TECPR2: variants seen among roughly 807,000 people sequenced by gnomAD.
TECPR2 encodes tectonin beta-propeller repeat-containing protein 2.
Under a neutral mutation model 138.1 loss-of-function variants are expected in TECPR2, and 65 were observed. That is an observed-to-expected ratio of 0.47 (90% CI 0.39 to 0.58). TECPR2 has a LOEUF of 0.58. Among genes scored for constraint, TECPR2 ranks in the 20% least tolerant of loss-of-function variants. The pLI is 0.00. For synonymous variants in TECPR2, 746 were observed against 749.8 expected, an observed-to-expected ratio of 0.99 and a Z score of 0.08; for missense variants, 1,553 against 1,824.5, an observed-to-expected ratio of 0.85 and a Z score of 2.71.
At position 102,499,734 on chromosome 14, in the gene TECPR2, G is replaced by A. The variant is rs376919716; in HGVS notation, c.*1477G>A. ...GAGGCAGCTTCAGGACAGGACACCA[G>A]GCTGGCTGCTTTTTTTAGCCTGCCC... On this transcript the variant is annotated 3_prime_UTR_variant, in exon 20 of 20. Coordinates refer to ENST00000359520, the MANE Select transcript of TECPR2 (RefSeq NM_014844.5). 6.2e-6 allele frequency: 1 copy of A among 161,544 alleles called. No individual in the cohort carries two copies. Among genetic ancestry groups the A allele is most frequent in the Non-Finnish European group, 1.4e-5 (1 of 73,390 alleles). 10.0% of individuals were successfully genotyped at this position (161,544 alleles called of 1,614,324 possible). A position where few individuals can be genotyped will look rare whatever the true frequency, so the allele number is the denominator to read the frequency against.
intron 13 of TECPR2, among the ~76,000 whole-genome samples, chr14:102,448,614 C>G (rs1005160630): frequency 6.6e-6 from 1 of 152,106 alleles, no homozygotes; most frequent in African/African-American, 2.4e-5. Flanking sequence ...ACCTGTAATC[C>G]CAGCACTTTG....
intron 12 of TECPR2, among the ~76,000 whole-genome samples, chr14:102,444,245 G>A (rs941096489): frequency 1.3e-5 from 2 of 150,830 alleles, no homozygotes; most frequent in Non-Finnish European, 2.9e-5. Flanking sequence ...CCAGGCTGGG[G>A]TGCAGTGCCA....
chr14:102,431,818 T>C lies in TECPR2; in HGVS notation c.1107T>C (p.Ser369=). The C allele has an allele frequency of 6.3e-7, 1 of 1,580,238 alleles. No individual in the cohort carries two copies. The highest frequency in any genetic ancestry group is 8.6e-7 in the Non-Finnish European group (1 of 1,157,120). Reference sequence around the variant, plus strand: ...TAGTGAGAGATGGTCTGGAGATGTCTGGATGCTCAGAGCGTGTCCACGTGC... The same window carrying C: ...TAGTGAGAGATGGTCTGGAGATGTCCGGATGCTCAGAGCGTGTCCACGTGC... ...TSTVRDGLEM[S]GCSERVHVQQ... is the part of the protein sequence containing the mutation. The change falls in exon 8 of 20, where the codon TCT becomes TCC. Residue 369 remains serine, a synonymous_variant. Transcript: ENST00000359520.
intron 6 of TECPR2, among the ~76,000 whole-genome samples, chr14:102,426,164 G>A (rs189708277): frequency 2.0e-5 from 3 of 151,908 alleles, no homozygotes; most frequent in Non-Finnish European, 4.4e-5. Flanking sequence ...GGGGTTACAG[G>A]CGTGAACCGC....
At chr14:102,398,600 A>G (rs1888382753) in intron 2 of TECPR2, among the ~76,000 whole-genome samples, 1 of 152,070 alleles carries the variant, frequency 6.6e-6, no homozygotes, top group African/African-American at 2.4e-5. Flanking sequence ...AGTGGCTCAC[A>G]CCTGTAATCC....
At chr14:102,440,914 A>T (rs1889810854) in intron 11 of TECPR2, among the ~76,000 whole-genome samples, 1 of 152,170 alleles carries the variant, frequency 6.6e-6, no homozygotes. Flanking sequence ...ACAATGTTAG[A>T]TCTTAAGAGG....
chr14:102,426,684 C>A (rs1889330512), intron 6 of TECPR2, among the ~76,000 whole-genome samples: 1 of 152,144 alleles, frequency 6.6e-6, no homozygotes, highest in African/African-American at 2.4e-5. Context: ...CATGGTGAAA[C>A]TCCGTCTCTA....
At chr14:102,474,214 G>T (rs559278475) in intron 17 of TECPR2, among the ~76,000 whole-genome samples, 1 of 152,266 alleles carries the variant, frequency 6.6e-6, no homozygotes, top group South Asian at 2.1e-4. Context: ...GCTGCAGTGA[G>T]CCATGTTTGT....
chr14:102,407,206 T>C, intron 2 of TECPR2, 132 bp from the exon 3 acceptor site: 1 of 1,216,034 alleles, frequency 8.2e-7, no homozygotes, highest in Non-Finnish European at 1.1e-6. Flanking sequence ...CTGACTTGTA[T>C]ACCTTTTCAA....
At chr14:102,423,086 A>G (rs533459646) in intron 5 of TECPR2, among the ~76,000 whole-genome samples, 1 of 152,218 alleles carries the variant, frequency 6.6e-6, no homozygotes, top group South Asian at 2.1e-4. Context: ...GCAATAGGCT[A>G]GACTAAGCTT....
At chr14:102,473,260 A>T (rs1890685443) in intron 17 of TECPR2, among the ~76,000 whole-genome samples, 1 of 152,210 alleles carries the variant, frequency 6.6e-6, no homozygotes, top group Non-Finnish European at 1.5e-5. Context: ...TAGTGGCCTC[A>T]CACGTCGTAT....
intron 18 of TECPR2, among the ~76,000 whole-genome samples, 154 bp downstream of exon 18, chr14:102,497,274 C>T (rs988879950): frequency 6.6e-6 from 1 of 152,234 alleles, no homozygotes; most frequent in African/African-American, 2.4e-5. Flanking sequence ...GGACAAGCCT[C>T]CCATCATGTT....
At chr14:102,442,554 T>C (rs1889862904) in intron 11 of TECPR2, among the ~76,000 whole-genome samples, 1 of 151,994 alleles carries the variant, frequency 6.6e-6, no homozygotes, top group Non-Finnish European at 1.5e-5. Context: ...GGCCTGGGGG[T>C]GAGGAGCGAG....
intron 4 of TECPR2, 120 bp downstream of exon 4, chr14:102,408,739 T>C (rs1888733585): frequency 4.5e-6 from 5 of 1,104,192 alleles, no homozygotes; most frequent in Non-Finnish European, 6.3e-6. Flanking sequence ...ATAATCTCAA[T>C]TGTTATTTGT....
intron 2 of TECPR2, among the ~76,000 whole-genome samples, chr14:102,400,235 G>A (rs190756391): frequency 8.2e-4 from 124 of 151,752 alleles, no homozygotes; most frequent in African/African-American, 2.8e-3. Context: ...TAGTAGAGAC[G>A]GGGTTTCTCC....
rs1002929957 is a variant in TECPR2, at chr14:102,501,914, T to C, written c.*3657T>C. On this transcript the variant is annotated 3_prime_UTR_variant, in exon 20 of 20. Transcript: ENST00000359520. ...ATGGGAGCAGCTTGGGAGCCCCCCA[T>C]TGGCGCCGCCCTACTGGGGAAGCCG... The C allele has an allele frequency of 6.6e-6, 1 of 152,210 alleles. No homozygotes were observed. The highest frequency in any genetic ancestry group is 2.4e-5 in the African/African-American group (1 of 41,450). 9.4% of individuals were successfully genotyped at this position (152,210 alleles called of 1,614,324 possible).
chr14:102,471,411 T>C (rs1890649645), intron 17 of TECPR2, among the ~76,000 whole-genome samples: 1 of 152,132 alleles, frequency 6.6e-6, no homozygotes, highest in Non-Finnish European at 1.5e-5. Context: ...CTTTCTGATT[T>C]TATAATTTGA....
intron 17 of TECPR2, among the ~76,000 whole-genome samples, chr14:102,476,648 G>T (rs548890010): frequency 3.3e-5 from 5 of 152,046 alleles, no homozygotes; most frequent in Admixed American, 3.3e-4. Flanking sequence ...AGGGAAGAAG[G>T]GTGACAGGAA....
At chr14:102,386,405 G>A (rs901615943) in intron 2 of TECPR2, among the ~76,000 whole-genome samples, 3 of 152,148 alleles carry the variant, frequency 2.0e-5, no homozygotes, top group Admixed American at 2.0e-4. Flanking sequence ...AGGAGGTGGA[G>A]GTTGCAGTGA....
Sources: gnomAD v4.1 joint callset for allele counts (sites outside exome capture counted in the v4.1 genomes callset) on GRCh38, gnomAD v4.1.1 for gene constraint, MANE v1.5 for transcripts, NCBI Gene and HGNC (gene_info 2026-07-23, HGNC 2026-07-21) for gene names.